PIGR: variants seen among roughly 807,000 people sequenced by gnomAD.
PIGR encodes the protein polymeric immunoglobulin receptor, also known as hepatocellular carcinoma associated protein TB6.
In PIGR, 22 loss-of-function variants were observed where a neutral mutation model predicts 69.5. The ratio of observed to expected loss-of-function variants is 0.32; its 90% confidence interval spans 0.23 to 0.45. PIGR has a LOEUF of 0.45. Among genes scored for constraint, PIGR ranks in the 20% least tolerant of loss-of-function variants. The pLI is 1.00. For missense variants in PIGR, 885 were observed against 974.0 expected (o/e 0.91, Z 1.22); for synonymous variants, 413 against 407.6 (o/e 1.01, Z -0.16).
chr1:206,931,444 C>A, intron 10 of PIGR, 53 bp downstream of exon 10: 1 of 1,613,758 alleles, frequency 6.2e-7, no homozygotes, highest in Non-Finnish European at 8.5e-7. Flanking sequence ...TAACTGCATC[C>A]CCTCATGCTG....
chr1:206,942,978 C>T (rs1473905206), intron 1 of PIGR, among the ~76,000 whole-genome samples: 1 of 152,192 alleles, frequency 6.6e-6, no homozygotes, highest in East Asian at 1.9e-4. Context: ...CACAATTTCT[C>T]TAGTAGCATT....
chr1:206,931,915 G>T, intron 8 of PIGR, 113 bp from the exon 9 acceptor site: 13 of 1,176,074 alleles, frequency 1.1e-5, no homozygotes, highest in Non-Finnish European at 1.6e-5. Flanking sequence ...CAGCTGAGGT[G>T]GTGCAGCTCT....
At position 206,939,338 on chromosome 1, in the gene PIGR, G is replaced by A. The variant is rs747399010; in HGVS notation, c.169C>T (p.Arg57Trp). ...ATGCAGCCACCTCTAGCTCCCTGCCGGCACCAGTACTTCCGGGTGTGCCGG... is the reference window on the plus strand; with the variant it reads ...ATGCAGCCACCTCTAGCTCCCTGCCAGCACCAGTACTTCCGGGTGTGCCGG... Reference protein sequence around the residue: ...VNRHTRKYWCRQGARGGCITL... With the variant: ...VNRHTRKYWCWQGARGGCITL... The change falls in exon 3 of 11, where the codon CGG (arginine) becomes TGG (tryptophan). Residue 57 changes from arginine (R) to tryptophan (W), a missense_variant. Transcript: ENST00000356495. The A allele has an allele frequency of 2.0e-5, 32 of 1,614,212 alleles. No homozygotes were observed. Among genetic ancestry groups the A allele is most frequent in the Non-Finnish European group, 2.5e-5 (29 of 1,180,034 alleles).
Position 206,935,568 on chromosome 1 carries a change from G to C in PIGR, c.1296C>G (p.Thr432=), listed in dbSNP as rs765715557. 2.5e-6 allele frequency: 4 copies of C among 1,614,090 alleles called. No individual in the cohort carries two copies. In the Admixed American group the frequency reaches 5.0e-5, roughly 20 times the overall value. ...GTFTVILNQL[T]SRDAGFYWCL... is the part of the protein sequence containing the mutation. Reference sequence around the variant, plus strand: ...ACCAGTAGAAGCCGGCGTCCCGGCTGGTGAGCTGGTTGAGGATGACAGTGA... The same window carrying C: ...ACCAGTAGAAGCCGGCGTCCCGGCTCGTGAGCTGGTTGAGGATGACAGTGA... The change falls in exon 5 of 11, where the codon ACC becomes ACG. Residue 432 remains threonine, a synonymous_variant. Coordinates refer to ENST00000356495, the MANE Select transcript of PIGR (RefSeq NM_002644.4). This position sits in a 1 kb window ranked among gnomAD's most constrained non-coding sequence, Gnocchi z 4.4.
chr1:206,933,827 T>C (rs1032097128), intron 6 of PIGR, among the ~76,000 whole-genome samples: 1 of 151,888 alleles, frequency 6.6e-6, no homozygotes, highest in Non-Finnish European at 1.5e-5. Flanking sequence ...TTTCCAGATA[T>C]AGAAGAGACT....
chr1:206,942,727 T>G (rs183657948), intron 1 of PIGR, among the ~76,000 whole-genome samples: 239 of 152,258 alleles, frequency 1.6e-3, no homozygotes, highest in African/African-American at 5.6e-3. Flanking sequence ...GACTTCTCAT[T>G]TTGTGACATG....
chr1:206,939,495 G>A (rs761425995), intron 2 of PIGR, 32 bp from the exon 3 acceptor site: 1 of 1,497,530 alleles, frequency 6.7e-7, no homozygotes, highest in Non-Finnish European at 9.2e-7. Context: ...GCTTTCTGAG[G>A]CCCTTGGGAG....
intron 8 of PIGR, among the ~76,000 whole-genome samples, 193 bp downstream of exon 8, chr1:206,932,263 T>C (rs544391071): frequency 2.6e-5 from 4 of 152,304 alleles, no homozygotes; most frequent in African/African-American, 9.6e-5. Context: ...TTTCCAGTGT[T>C]AGTATTTGGA....
intron 6 of PIGR, 62 bp downstream of exon 6, chr1:206,934,358 G>C: frequency 7.1e-7 from 1 of 1,416,506 alleles, no homozygotes; most frequent in Non-Finnish European, 9.7e-7. Flanking sequence ...TCTCAGGCAG[G>C]GGCCTTCAGG....
At chr1:206,938,411 A>T (rs986000291) in intron 3 of PIGR, among the ~76,000 whole-genome samples, 11 of 152,334 alleles carry the variant, frequency 7.2e-5, no homozygotes, top group Admixed American at 2.0e-4. Context: ...GTCCACAGAC[A>T]ATAGTATGCA....
intron 3 of PIGR, among the ~76,000 whole-genome samples, chr1:206,938,293 C>T (rs1045288629): frequency 1.3e-5 from 2 of 152,218 alleles, no homozygotes; most frequent in African/African-American, 4.8e-5. Context: ...TACCCGTCAT[C>T]AGCATGTTCT....
At chr1:206,932,017 A>C (rs1679763739) in intron 8 of PIGR, among the ~76,000 whole-genome samples, 1 of 151,862 alleles carries the variant, frequency 6.6e-6, no homozygotes, top group African/African-American at 2.4e-5. Flanking sequence ...GATCTTTGTC[A>C]CTCTGGGACC....
At chr1:206,934,399 G>GC (rs1679822496) in intron 6 of PIGR, 21 bp downstream of exon 6, 2 of 1,601,022 alleles carry the variant, frequency 1.2e-6, no homozygotes, top group Non-Finnish European at 1.7e-6. Context: ...AGGGGTGCAG[G>GC]CCCTGTCCTT....
intron 3 of PIGR, among the ~76,000 whole-genome samples, chr1:206,937,966 C>A (rs1679900699): frequency 1.3e-5 from 2 of 152,218 alleles, no homozygotes; most frequent in African/African-American, 4.8e-5. Flanking sequence ...CTGCCCTGTG[C>A]TTTCTTGATA....
chr1:206,935,531 C>T lies in PIGR; in HGVS notation c.1333G>A (p.Gly445Ser), dbSNP rs201253518. The change falls in exon 5 of 11, where the codon GGC (glycine) becomes AGC (serine). Residue 445 changes from glycine (G) to serine (S), a missense_variant. Transcript: ENST00000356495. This position sits in a 1 kb window ranked among gnomAD's most constrained non-coding sequence, Gnocchi z 4.4. Reference protein sequence around the residue: ...DAGFYWCLTNGDTLWRTTVEI... With the variant: ...DAGFYWCLTNSDTLWRTTVEI... ...ACGGTGGTCCTCCAGAGAGTATCGC[C>T]GTTGGTCAGACACCAGTAGAAGCCG... The T allele has an allele frequency of 8.8e-5, 142 of 1,614,122 alleles. 2 individuals are homozygous for T. The highest frequency in any genetic ancestry group is 7.1e-4 in the South Asian group (65 of 91,070).
intron 3 of PIGR, among the ~76,000 whole-genome samples, 169 bp downstream of exon 3, chr1:206,938,950 A>T (rs555757981): frequency 1.3e-5 from 2 of 152,140 alleles, no homozygotes; most frequent in Non-Finnish European, 2.9e-5. Flanking sequence ...AGTAGGCCCT[A>T]TCTGTCTCCT....
intron 2 of PIGR, among the ~76,000 whole-genome samples, chr1:206,940,086 A>G (rs1679952842): frequency 6.6e-6 from 1 of 152,080 alleles, no homozygotes. Flanking sequence ...GCCATGTGTT[A>G]TTTCCTTATA....
intron 3 of PIGR, among the ~76,000 whole-genome samples, chr1:206,938,162 GC>G (rs1172784974): frequency 6.6e-6 from 1 of 152,234 alleles, no homozygotes; most frequent in Non-Finnish European, 1.5e-5. Context: ...GAATGTAAAT[GC>G]AGGGTGATGG....
chr1:206,932,202 C>T (rs1369292878), intron 8 of PIGR, among the ~76,000 whole-genome samples: 1 of 152,204 alleles, frequency 6.6e-6, no homozygotes, highest in Non-Finnish European at 1.5e-5. Context: ...CCAATCTCCT[C>T]TTCCTGGCAG....
Sources: allele counts gnomAD v4.1 joint callset (sites outside exome capture counted in the v4.1 genomes callset), GRCh38; gene constraint gnomAD v4.1.1; non-coding constraint Gnocchi (gnomAD v3.1); transcripts MANE v1.5; gene names NCBI Gene and HGNC (gene_info 2026-07-23, HGNC 2026-07-21).